ETFA: variants seen among roughly 807,000 people sequenced by gnomAD.
ETFA encodes the protein electron transfer flavoprotein subunit alpha, mitochondrial.
A neutral mutation model predicts 46.2 loss-of-function variants in ETFA; 22 were observed. That is an observed-to-expected ratio of 0.48 (90% CI 0.34 to 0.68). The LOEUF (loss-of-function observed/expected upper bound fraction) is 0.68, where lower values mean the gene tolerates loss of function less well. Ranked by LOEUF, ETFA falls within the 30% of genes least tolerant of loss-of-function variation. The pLI, the probability that ETFA is intolerant of heterozygous loss-of-function variation, is 0.01. For missense variants in ETFA, 345 were observed against 401.1 expected, an observed-to-expected ratio of 0.86 and a Z score of 1.19; for synonymous variants, 131 against 139.9, an observed-to-expected ratio of 0.94 and a Z score of 0.45.
intron 9 of ETFA, among the ~76,000 whole-genome samples, chr15:76,248,448 T>A (rs1477989238): frequency 1.3e-5 from 2 of 152,016 alleles, no homozygotes; most frequent in Admixed American, 6.6e-5. Flanking sequence ...TAGAAAAAAA[T>A]ACAGGTGAAT....
intron 4 of ETFA, among the ~76,000 whole-genome samples, chr15:76,288,920 C>CTTCTTCT (rs1225461781): frequency 0.018 from 1,938 of 110,094 alleles, 71 homozygotes; most frequent in African/African-American, 0.063. Context: ...TCTTCTTCTT[C>CTTCTTCT]TTTTTTTTTT....
At chr15:76,260,251 CTTGA>C (rs2141493221) in intron 9 of ETFA, 1 of 1,203,846 alleles carries the variant, frequency 8.3e-7, no homozygotes, top group Non-Finnish European at 1.2e-6. Context: ...TTGGGCCTTT[CTTGA>C]TTGAAGGACC....
At chr15:76,244,918 T>C (rs2039230644) in intron 9 of ETFA, among the ~76,000 whole-genome samples, 1 of 152,192 alleles carries the variant, frequency 6.6e-6, no homozygotes. Context: ...TTTTTAACTT[T>C]ATATAATAAA....
At chr15:76,298,200 G>A (rs1257981599) in intron 1 of ETFA, among the ~76,000 whole-genome samples, 7 of 151,948 alleles carry the variant, frequency 4.6e-5, no homozygotes, top group South Asian at 2.1e-4. Context: ...GCATTACCAC[G>A]CCCAGCTAAT....
chr15:76,247,841 T>A (rs554067514), intron 9 of ETFA, among the ~76,000 whole-genome samples: 1 of 152,344 alleles, frequency 6.6e-6, no homozygotes, highest in Non-Finnish European at 1.5e-5. Context: ...TGAACTGGGA[T>A]TCTTATAAAA....
chr15:76,266,752 A>C (rs2039473808), intron 9 of ETFA, among the ~76,000 whole-genome samples: 1 of 152,024 alleles, frequency 6.6e-6, no homozygotes, highest in African/African-American at 2.4e-5. Context: ...AAATACAAAA[A>C]AATTCGTTGG....
intron 9 of ETFA, among the ~76,000 whole-genome samples, chr15:76,243,709 G>T (rs1012218542): frequency 6.6e-6 from 1 of 151,656 alleles, no homozygotes; most frequent in Non-Finnish European, 1.5e-5. Context: ...TAAGGCAGGG[G>T]AATCACTTGA....
intron 1 of ETFA, among the ~76,000 whole-genome samples, chr15:76,306,081 T>C (rs1270486102): frequency 6.6e-6 from 1 of 151,878 alleles, no homozygotes; most frequent in African/African-American, 2.4e-5. Context: ...TTGAACTGTA[T>C]ATTCACATAG....
intron 9 of ETFA, chr15:76,259,656 C>G (rs2039383067): frequency 3.2e-6 from 3 of 949,514 alleles, no homozygotes; most frequent in South Asian, 1.3e-5. Flanking sequence ...ACAGCCCTAA[C>G]AATAGTAGCC....
intron 9 of ETFA, among the ~76,000 whole-genome samples, chr15:76,267,071 C>A (rs1265379943): frequency 6.6e-6 from 1 of 152,224 alleles, no homozygotes; most frequent in East Asian, 1.9e-4. Flanking sequence ...ACAGTAAATG[C>A]TCCCTGTTCA....
At chr15:76,303,648 T>C (rs1596228275) in intron 1 of ETFA, among the ~76,000 whole-genome samples, 1 of 152,080 alleles carries the variant, frequency 6.6e-6, no homozygotes, top group Admixed American at 6.5e-5. Flanking sequence ...AAATGGGCAA[T>C]GGACATCAAC....
At chr15:76,261,619 CAGCAGCAGCCCCAGCTGCTGT>C in intron 9 of ETFA, 1 of 436,882 alleles carries the variant, frequency 2.3e-6, no homozygotes. Flanking sequence ...TCAGAGCCGC[CAGCAGCAGCCCCAGCTGCTGT>C]GGCGGCAGCA....
chr15:76,217,383 T>C (rs1474528999), intron 11 of ETFA, among the ~76,000 whole-genome samples: 1 of 152,196 alleles, frequency 6.6e-6, no homozygotes, highest in Non-Finnish European at 1.5e-5. Context: ...TTCACAAACA[T>C]ATTGGTTGCT....
intron 1 of ETFA, among the ~76,000 whole-genome samples, chr15:76,298,749 G>A (rs1333885154): frequency 6.6e-6 from 1 of 151,928 alleles, no homozygotes. Flanking sequence ...ATTCCTCTAA[G>A]ATTGCACTTG....
At position 76,260,343 on chromosome 15, in the gene ETFA, G is replaced by T. The variant is rs796653254; in HGVS notation, c.816+14069C>A. ...GCCTTGCCCAAACCACGTCTCTTTC[G>T]GTCTCTTTTGAAGCAAGATGAGGGC... On this transcript the variant is annotated intron_variant, in intron 9 of 11. Coordinates refer to ENST00000557943, the MANE Select transcript of ETFA (RefSeq NM_000126.4). The T allele has an allele frequency of 4.0e-6, 5 of 1,258,552 alleles. No individual in the cohort carries two copies. In the African/African-American group the frequency reaches 5.9e-5, roughly 15 times the overall value. 78.0% of individuals were successfully genotyped at this position (1,258,552 alleles called of 1,614,324 possible).
chr15:76,223,760 C>T (rs1266109804), intron 11 of ETFA, among the ~76,000 whole-genome samples: 1 of 152,170 alleles, frequency 6.6e-6, no homozygotes, highest in African/African-American at 2.4e-5. Context: ...CCTCCGTGTC[C>T]ACACACATGC....
At chr15:76,227,938 T>C (rs1355140502) in intron 10 of ETFA, 5 of 455,972 alleles carry the variant, frequency 1.1e-5, no homozygotes, top group Non-Finnish European at 2.2e-5. Context: ...TTAAGATGCA[T>C]AGTCAGAGAC....
intron 9 of ETFA, among the ~76,000 whole-genome samples, chr15:76,269,159 C>T (rs1308273006): frequency 6.6e-6 from 1 of 152,140 alleles, no homozygotes; most frequent in Non-Finnish European, 1.5e-5. Context: ...GAAGCCACCG[C>T]TGGAGAGAAA....
At chr15:76,232,545 C>A (rs1259623706) in intron 9 of ETFA, among the ~76,000 whole-genome samples, 1 of 152,192 alleles carries the variant, frequency 6.6e-6, no homozygotes, top group East Asian at 1.9e-4. Flanking sequence ...ACTTCAAAAG[C>A]CAATGACAGT....
Sources: gnomAD v4.1 joint callset for allele counts (sites outside exome capture counted in the v4.1 genomes callset) on GRCh38, gnomAD v4.1.1 for gene constraint, MANE v1.5 for transcripts, NCBI Gene and HGNC (gene_info 2026-07-23, HGNC 2026-07-21) for gene names.